Variants in BTBD9 observed in about 807,000 individuals in gnomAD.
The protein encoded by BTBD9 is BTB/POZ domain-containing protein 9.
In BTBD9, 49 loss-of-function variants were observed where a neutral mutation model predicts 64.3. That is an observed-to-expected ratio of 0.76 (90% confidence interval 0.61 to 0.97). The LOEUF is 0.97. Among genes scored for constraint, BTBD9 ranks in the 50% least tolerant of loss-of-function variants. BTBD9 has a pLI of 0.00. For synonymous variants in BTBD9, 260 were observed against 274.7 expected, an observed-to-expected ratio of 0.95 and a Z score of 0.53; for missense variants, 598 against 762.1, an observed-to-expected ratio of 0.78 and a Z score of 2.53.
intron 10 of BTBD9, among the ~76,000 whole-genome samples, chr6:38,187,442 G>T (rs1427110504): frequency 6.6e-6 from 1 of 152,228 alleles, no homozygotes; most frequent in East Asian, 1.9e-4. Context: ...AATGGAAGCG[G>T]AGGGTGGATG....
At chr6:38,455,379 A>G (rs565473751) in intron 6 of BTBD9, among the ~76,000 whole-genome samples, 1 of 152,212 alleles carries the variant, frequency 6.6e-6, no homozygotes, top group African/African-American at 2.4e-5. Context: ...TTTGTTGCCC[A>G]AGCTGGTCTT....
intron 6 of BTBD9, among the ~76,000 whole-genome samples, chr6:38,441,568 G>A (rs1416639096): frequency 6.6e-6 from 1 of 151,918 alleles, no homozygotes; most frequent in Admixed American, 6.6e-5. Context: ...ACCCGCTACC[G>A]TGCCTGGCTA....
chr6:38,380,085 T>C (rs967097123), intron 6 of BTBD9, among the ~76,000 whole-genome samples: 1 of 152,206 alleles, frequency 6.6e-6, no homozygotes, highest in Admixed American at 6.5e-5. Flanking sequence ...TTATATACTA[T>C]ATGCTCTTTA....
At chr6:38,577,980 C>T (rs113511619) in intron 5 of BTBD9, among the ~76,000 whole-genome samples, 3,703 of 152,250 alleles carry the variant, frequency 0.024, 81 homozygotes, top group Admixed American at 0.05. Context: ...ATATTCATAT[C>T]CCCAGGGTCC....
At chr6:38,370,598 CAT>C (rs994348608) in intron 6 of BTBD9, among the ~76,000 whole-genome samples, 42 of 152,320 alleles carry the variant, frequency 2.8e-4, no homozygotes, top group African/African-American at 9.4e-4. Context: ...TGACAAAAGA[CAT>C]AAATTATTTA....
chr6:38,190,301 C>CA (rs998661794), intron 10 of BTBD9, among the ~76,000 whole-genome samples: 13 of 149,816 alleles, frequency 8.7e-5, no homozygotes, highest in South Asian at 2.1e-4. Flanking sequence ...CCTGTCTCTA[C>CA]AAAAAAAAAT....
intron 9 of BTBD9, among the ~76,000 whole-genome samples, chr6:38,214,155 G>A (rs1762931443): frequency 6.6e-6 from 1 of 152,178 alleles, no homozygotes; most frequent in Non-Finnish European, 1.5e-5. Flanking sequence ...TATAAAAGGT[G>A]CATGTTCTCT....
rs1766579337 is a variant in BTBD9, at chr6:38,394,539, C to T, written c.1155-49446G>A. Reference sequence around the variant, plus strand: ...TGCATCATACAGTGGTAGCCAGCCTCCAAAATGGCACCCAATGGTTGTGTT... The same window carrying T: ...TGCATCATACAGTGGTAGCCAGCCTTCAAAATGGCACCCAATGGTTGTGTT... On this transcript the variant is annotated intron_variant, in intron 6 of 10. Coordinates refer to ENST00000481247, the MANE Select transcript of BTBD9 (RefSeq NM_001099272.2). Among the ~76,000 whole-genome samples, 4 of 152,106 alleles carry T rather than the reference C, an allele frequency of 2.6e-5. No homozygotes were observed. The South Asian group carries it at 8.3e-4, about 32-fold the overall frequency.
intron 10 of BTBD9, among the ~76,000 whole-genome samples, chr6:38,185,796 GT>G (rs1317838640): frequency 6.6e-6 from 1 of 152,160 alleles, no homozygotes; most frequent in Non-Finnish European, 1.5e-5. Context: ...TGCTTTTGAA[GT>G]TTCCATGAAT....
intron 7 of BTBD9, among the ~76,000 whole-genome samples, chr6:38,317,790 A>G (rs747958668): frequency 6.6e-6 from 1 of 152,090 alleles, no homozygotes; most frequent in Non-Finnish European, 1.5e-5. Flanking sequence ...AAGAGACTCC[A>G]ATGCATTCTT....
At chr6:38,180,078 G>A (rs1379797309) in intron 10 of BTBD9, among the ~76,000 whole-genome samples, 1 of 152,220 alleles carries the variant, frequency 6.6e-6, no homozygotes, top group Non-Finnish European at 1.5e-5. Context: ...TGTGGCAACT[G>A]TGTAAGCCAA....
intron 6 of BTBD9, among the ~76,000 whole-genome samples, chr6:38,545,855 T>TATACAC (rs1554168080): frequency 3.8e-5 from 5 of 130,594 alleles, no homozygotes; most frequent in African/African-American, 1.5e-4. Context: ...CACACACACA[T>TATACAC]ACACACACAC....
intron 6 of BTBD9, among the ~76,000 whole-genome samples, chr6:38,397,778 G>C (rs1425028186): frequency 1.3e-5 from 2 of 152,198 alleles, no homozygotes; most frequent in Non-Finnish European, 2.9e-5. Context: ...AAATAAAGCA[G>C]AATCACAAGA....
chr6:38,553,117 A>G (rs1774886589), intron 6 of BTBD9, among the ~76,000 whole-genome samples: 1 of 152,132 alleles, frequency 6.6e-6, no homozygotes, highest in South Asian at 2.1e-4. Context: ...ATTGTTTTTC[A>G]TATTTGTTTT....
intron 8 of BTBD9, among the ~76,000 whole-genome samples, chr6:38,273,885 C>T (rs758995192): frequency 2.6e-5 from 4 of 152,204 alleles, no homozygotes; most frequent in Non-Finnish European, 5.9e-5. Context: ...GCAGGGCCTC[C>T]TTCTAGGTTG....
rs115815316 is a variant in BTBD9 at position 38,254,645 on chromosome 6, G to A, written c.1562+1764C>T. Among the ~76,000 whole-genome samples the A allele has an allele frequency of 2.6e-3, 393 of 152,104 alleles. 1 individual carries two copies. The highest frequency in any genetic ancestry group is 9.1e-3 in the African/African-American group (376 of 41,492). ...GAGTGAGACCCTGCCCCCACCCCAA[G>A]TAAGCACATGAAAAGATGCTCAACA... On this transcript the variant is annotated intron_variant, in intron 9 of 10. Transcript: ENST00000481247.
At chr6:38,461,506 C>T (rs1024520299) in intron 6 of BTBD9, among the ~76,000 whole-genome samples, 3 of 152,210 alleles carry the variant, frequency 2.0e-5, no homozygotes, top group Middle Eastern at 6.8e-3. Context: ...ATAGTTCATT[C>T]TTTATCATTT....
At chr6:38,350,542 A>G (rs1414648441) in intron 6 of BTBD9, among the ~76,000 whole-genome samples, 2 of 152,244 alleles carry the variant, frequency 1.3e-5, no homozygotes, top group Admixed American at 6.5e-5. Context: ...TTGGTAAGAA[A>G]TATTTAAATG....
chr6:38,179,620 G>C, intron 10 of BTBD9: 1 of 456,774 alleles, frequency 2.2e-6, no homozygotes, highest in Admixed American at 2.3e-5. Context: ...GGGGGCAGAG[G>C]CACCTCTGTG....
Sources: gnomAD v4.1 joint callset for allele counts (sites outside exome capture counted in the v4.1 genomes callset) on GRCh38, gnomAD v4.1.1 for gene constraint, MANE v1.5 for transcripts, NCBI Gene and HGNC (gene_info 2026-07-23, HGNC 2026-07-21) for gene names.